The following MPPED2 variants were observed in gnomAD, a reference collection of about 807,000 sequenced individuals.
MPPED2 encodes the protein metallophosphoesterase domain containing 2.
A neutral mutation model predicts 33.0 loss-of-function variants in MPPED2; 5 were observed. The observed-to-expected ratio is 0.15, with a 90% CI of 0.08 to 0.32. MPPED2 has a LOEUF of 0.32. Ranked by LOEUF, MPPED2 falls within the 10% of genes least tolerant of loss-of-function variation. The pLI is 1.00. For synonymous variants in MPPED2, 136 were observed against 141.9 expected, an observed-to-expected ratio of 0.96 and a Z score of 0.29; for missense variants, 275 against 372.1, an observed-to-expected ratio of 0.74 and a Z score of 2.15.
At chr11:30,475,482 T>C (rs574025765) in intron 4 of MPPED2, among the ~76,000 whole-genome samples, 1 of 152,314 alleles carries the variant, frequency 6.6e-6, no homozygotes, top group African/African-American at 2.4e-5. Flanking sequence ...CAAGCGACCA[T>C]TGATCTTTTC....
intron 3 of MPPED2, among the ~76,000 whole-genome samples, chr11:30,513,736 A>G (rs1184587253): frequency 6.6e-6 from 1 of 152,200 alleles, no homozygotes; most frequent in African/African-American, 2.4e-5. Context: ...CTATACATGG[A>G]TCCTGGTATA....
At chr11:30,579,075 A>T (rs2134899359) in intron 2 of MPPED2, among the ~76,000 whole-genome samples, 1 of 149,576 alleles carries the variant, frequency 6.7e-6, no homozygotes, top group South Asian at 2.1e-4. Context: ...CATCATAGGT[A>T]ACTGACTCGC....
chr11:30,444,219 G>C (rs1418239153), intron 4 of MPPED2, among the ~76,000 whole-genome samples: 2 of 152,184 alleles, frequency 1.3e-5, no homozygotes, highest in African/African-American at 2.4e-5. Flanking sequence ...TACTGAGAGA[G>C]AGAACTGACC....
chr11:30,553,213 C>T lies in MPPED2; in HGVS notation c.129-17038G>A, dbSNP rs116545012. On this transcript the variant is annotated intron_variant, in intron 2 of 6. Coordinates refer to ENST00000358117, the MANE Select transcript of MPPED2 (RefSeq NM_001584.3). Reference sequence around the variant, plus strand: ...TTGCCATGAACTGCACCATAAAACACACTTTTTAAATAACAGACCACGTTC... The same window carrying T: ...TTGCCATGAACTGCACCATAAAACATACTTTTTAAATAACAGACCACGTTC... Among the ~76,000 whole-genome samples, 552 of 152,286 alleles carry T rather than the reference C, an allele frequency of 3.6e-3. 1 individual carries two copies. The highest frequency in any genetic ancestry group is 0.011 in the African/African-American group (443 of 41,558).
At chr11:30,485,564 G>A (rs1951707960) in intron 4 of MPPED2, among the ~76,000 whole-genome samples, 1 of 135,186 alleles carries the variant, frequency 7.4e-6, no homozygotes, top group Admixed American at 7.3e-5. Flanking sequence ...CTATACCACT[G>A]CCTCCCTCCT....
At chr11:30,425,797 A>G (rs1050863708) in intron 4 of MPPED2, among the ~76,000 whole-genome samples, 3 of 152,212 alleles carry the variant, frequency 2.0e-5, no homozygotes, top group African/African-American at 4.8e-5. Flanking sequence ...TGGGACCTGC[A>G]CTAATGTCCA....
intron 4 of MPPED2, among the ~76,000 whole-genome samples, chr11:30,434,127 A>G (rs1209549358): frequency 1.3e-5 from 2 of 152,146 alleles, no homozygotes; most frequent in African/African-American, 4.8e-5. Context: ...TTCCCATCTC[A>G]TGACCCTTAA....
intron 4 of MPPED2, among the ~76,000 whole-genome samples, chr11:30,464,520 T>C (rs942690312): frequency 1.3e-5 from 2 of 152,224 alleles, no homozygotes; most frequent in African/African-American, 4.8e-5. Flanking sequence ...TTGATTTTAA[T>C]AAGCCACTTT....
At chr11:30,508,294 G>A (rs1045537295) in intron 3 of MPPED2, among the ~76,000 whole-genome samples, 10 of 152,246 alleles carry the variant, frequency 6.6e-5, no homozygotes, top group Admixed American at 5.9e-4. Context: ...TTTGTTCTAT[G>A]AGGGTCTTTG....
intron 4 of MPPED2, among the ~76,000 whole-genome samples, chr11:30,471,104 C>A (rs907254417): frequency 2.6e-5 from 4 of 152,198 alleles, no homozygotes; most frequent in African/African-American, 9.6e-5. Context: ...ATCTTAACTT[C>A]TCCCTTGCCC....
intron 6 of MPPED2, among the ~76,000 whole-genome samples, chr11:30,403,770 G>T (rs1453070212): frequency 6.6e-6 from 1 of 152,108 alleles, no homozygotes; most frequent in Non-Finnish European, 1.5e-5. Flanking sequence ...TTTTCAGCTG[G>T]TAAGAATTAC....
chr11:30,444,209 T>C lies in MPPED2; in HGVS notation c.537-26576A>G, dbSNP rs1949702764. 2.6e-5 allele frequency among the ~76,000 whole-genome samples: 4 copies of C among 152,188 alleles called. No individual in the cohort carries two copies. The South Asian group carries it at 8.3e-4, about 31-fold the overall frequency. On this transcript the variant is annotated intron_variant, in intron 4 of 6. Coordinates refer to ENST00000358117, the MANE Select transcript of MPPED2 (RefSeq NM_001584.3). ...AGGCACAGAAAGGTAGAATAAATGATACTGAGAGAGAGAACTGACCCGGCA... is the reference window on the plus strand; with the variant it reads ...AGGCACAGAAAGGTAGAATAAATGACACTGAGAGAGAGAACTGACCCGGCA...
chr11:30,541,125 C>A (rs776536984), intron 2 of MPPED2, among the ~76,000 whole-genome samples: 3 of 152,172 alleles, frequency 2.0e-5, no homozygotes, highest in Non-Finnish European at 4.4e-5. Context: ...TCATCTTAAA[C>A]CATTTTCCAA....
intron 4 of MPPED2, among the ~76,000 whole-genome samples, chr11:30,443,281 G>A (rs1278699734): frequency 6.6e-6 from 1 of 152,156 alleles, no homozygotes; most frequent in African/African-American, 2.4e-5. Context: ...TCAGGCATTG[G>A]ACAGAATTCT....
At chr11:30,402,379 G>C (rs1045691337) in intron 6 of MPPED2, among the ~76,000 whole-genome samples, 6 of 152,190 alleles carry the variant, frequency 3.9e-5, no homozygotes, top group African/African-American at 1.4e-4. Flanking sequence ...TTCTTTGAGA[G>C]TAACATCCTC....
intron 2 of MPPED2, among the ~76,000 whole-genome samples, chr11:30,565,298 TC>T (rs2134754837): frequency 6.6e-6 from 1 of 152,288 alleles, no homozygotes; most frequent in African/African-American, 2.4e-5. Flanking sequence ...CTACTTGGCA[TC>T]CGGTGCATAT....
At chr11:30,438,973 T>C (rs1231746892) in intron 4 of MPPED2, among the ~76,000 whole-genome samples, 1 of 152,214 alleles carries the variant, frequency 6.6e-6, no homozygotes, top group African/African-American at 2.4e-5. Flanking sequence ...TGCTAAATAG[T>C]TGTTAAAGTA....
intron 2 of MPPED2, among the ~76,000 whole-genome samples, chr11:30,568,351 T>C (rs1956539111): frequency 6.6e-6 from 1 of 152,198 alleles, no homozygotes; most frequent in Non-Finnish European, 1.5e-5. Flanking sequence ...ATGCTCCCTC[T>C]AAAATACAAA....
At chr11:30,483,121 T>A (rs1951566786) in intron 4 of MPPED2, among the ~76,000 whole-genome samples, 1 of 152,172 alleles carries the variant, frequency 6.6e-6, no homozygotes, top group Non-Finnish European at 1.5e-5. Context: ...CCGGTAAGAA[T>A]TATTTAAAAG....
Sources: gnomAD v4.1 joint callset for allele counts (sites outside exome capture counted in the v4.1 genomes callset) on GRCh38, gnomAD v4.1.1 for gene constraint, MANE v1.5 for transcripts, NCBI Gene and HGNC (gene_info 2026-07-23, HGNC 2026-07-21) for gene names.